The following ADGRA3 variants were observed in gnomAD, a reference collection of about 807,000 sequenced individuals.
ADGRA3 encodes G-protein coupled receptor 125.
ADGRA3 carries 56 observed loss-of-function variants against 119.8 expected under a neutral mutation model. The observed-to-expected ratio is 0.47, with a 90% CI of 0.38 to 0.58. ADGRA3 has a LOEUF of 0.58. ADGRA3 is among the 20% of genes least tolerant of loss of function. The pLI, the probability that ADGRA3 is intolerant of heterozygous loss-of-function variation, is 0.00. For synonymous variants in ADGRA3, 607 were observed against 623.8 expected (o/e 0.97, Z 0.40); for missense variants, 1,516 against 1,649.0 (o/e 0.92, Z 1.40).
In ADGRA3 at chr4:22,400,503, A is replaced by T. The variant is rs142294541; in HGVS notation, c.2481+928T>A. On this transcript the variant is annotated intron_variant, in intron 16 of 18. Transcript: ENST00000334304. ...ATCTGAAGTAGTCACAACTCATAGA[A>T]GCCAAGAAGAAAATGGTGACTGCCA... 3.2e-4 allele frequency among the ~76,000 whole-genome samples: 48 copies of T among 152,284 alleles called. No individual in the cohort carries two copies. In the East Asian group the frequency reaches 8.3e-3, roughly 26 times the overall value.
At chr4:22,420,582 A>C in intron 12 of ADGRA3, 1 of 445,106 alleles carries the variant, frequency 2.2e-6, no homozygotes, top group Non-Finnish European at 3.9e-6. Context: ...TAAACTTTTA[A>C]GTCAAATAAG....
chr4:22,460,430 C>A (rs926181310), intron 3 of ADGRA3, among the ~76,000 whole-genome samples: 3 of 152,158 alleles, frequency 2.0e-5, no homozygotes, highest in African/African-American at 7.2e-5. Context: ...CCAGAAAGGA[C>A]AAAAGTTCCT....
At chr4:22,505,333 C>T (rs1719199158) in intron 1 of ADGRA3, among the ~76,000 whole-genome samples, 1 of 152,158 alleles carries the variant, frequency 6.6e-6, no homozygotes, top group Non-Finnish European at 1.5e-5. Flanking sequence ...GCAAATTCTC[C>T]TTTAGAAACT....
At chr4:22,486,433 A>G (rs938246585) in intron 1 of ADGRA3, among the ~76,000 whole-genome samples, 16 of 152,040 alleles carry the variant, frequency 1.1e-4, no homozygotes, top group African/African-American at 3.9e-4. Flanking sequence ...AAAAAGCTTG[A>G]CCATTATTAC....
intron 2 of ADGRA3, among the ~76,000 whole-genome samples, chr4:22,470,420 G>A (rs1268446477): frequency 2.0e-5 from 3 of 151,738 alleles, no homozygotes; most frequent in Admixed American, 6.6e-5. Context: ...ACAAACAATG[G>A]GTCATGTTCA....
chr4:22,448,213 G>A (rs1716899363), intron 4 of ADGRA3, among the ~76,000 whole-genome samples: 1 of 152,168 alleles, frequency 6.6e-6, no homozygotes, highest in South Asian at 2.1e-4. Flanking sequence ...GAGCTCTAGA[G>A]CTCGGGGGAG....
chr4:22,464,368 G>A (rs17598910), intron 2 of ADGRA3, among the ~76,000 whole-genome samples: 14,169 of 152,186 alleles, frequency 0.093, 747 homozygotes, highest in Admixed American at 0.11. Context: ...GAAGCTTCAC[G>A]AAATACATTT....
At chr4:22,394,123 A>G (rs1714254145) in intron 16 of ADGRA3, 1 of 152,136 alleles carries the variant, frequency 6.6e-6, no homozygotes, top group Non-Finnish European at 1.5e-5. Flanking sequence ...TTTTTATATA[A>G]TTATGAAATT....
chr4:22,419,063 G>A (rs548441524), intron 12 of ADGRA3, among the ~76,000 whole-genome samples: 16 of 152,270 alleles, frequency 1.1e-4, no homozygotes, highest in Non-Finnish European at 1.6e-4. Context: ...GCAGGCTGAG[G>A]AGGGAGTATA....
intron 4 of ADGRA3, among the ~76,000 whole-genome samples, chr4:22,454,465 A>G (rs1034231647): frequency 6.6e-6 from 1 of 152,126 alleles, no homozygotes; most frequent in Non-Finnish European, 1.5e-5. Flanking sequence ...ACCTTCATGT[A>G]TCATTAGTTT....
At chr4:22,502,139 C>T (rs1719068237) in intron 1 of ADGRA3, among the ~76,000 whole-genome samples, 1 of 152,168 alleles carries the variant, frequency 6.6e-6, no homozygotes, top group Non-Finnish European at 1.5e-5. Flanking sequence ...ACCATGCAGC[C>T]AAGCTAGCCA....
chr4:22,483,617 G>C (rs117600571), intron 1 of ADGRA3, among the ~76,000 whole-genome samples: 1 of 152,096 alleles, frequency 6.6e-6, no homozygotes, highest in Non-Finnish European at 1.5e-5. Flanking sequence ...GATAGCAAAA[G>C]AATCTTCCAG....
At chr4:22,506,204 C>T (rs1327192235) in intron 1 of ADGRA3, among the ~76,000 whole-genome samples, 1 of 152,088 alleles carries the variant, frequency 6.6e-6, no homozygotes, top group Non-Finnish European at 1.5e-5. Context: ...TCCATTTTTA[C>T]CCTTCAGGCC....
intron 16 of ADGRA3, among the ~76,000 whole-genome samples, chr4:22,397,437 C>G (rs1419406535): frequency 2.0e-5 from 3 of 152,082 alleles, no homozygotes; most frequent in Non-Finnish European, 4.4e-5. Flanking sequence ...GCCTCAGCCT[C>G]CCAAAGTTCA....
intron 14 of ADGRA3, among the ~76,000 whole-genome samples, chr4:22,408,767 T>C (rs1041882013): frequency 2.0e-5 from 3 of 152,158 alleles, no homozygotes; most frequent in Non-Finnish European, 4.4e-5. Context: ...AAGCCTACAA[T>C]CTAGCAATTT....
rs144907660 is a variant in ADGRA3, at chr4:22,387,745, T to G, written c.3926A>C (p.Asn1309Thr). 1 of 1,613,374 alleles carries G rather than the reference T, an allele frequency of 6.2e-7. No homozygotes were observed. The highest frequency in any genetic ancestry group is 1.3e-5 in the African/African-American group (1 of 74,906). The change falls in exon 19 of 19, where the codon AAT becomes ACT. Residue 1309 changes from asparagine to threonine, a missense_variant. Physicochemically the swap from Asn to Thr is moderately conservative, Grantham distance 65 (BLOSUM62 0). This residue lies in a region of ADGRA3 where 1,088 missense variants were observed against 1,107.1 expected (regional missense o/e 0.98). Coordinates refer to ENST00000334304, the MANE Select transcript of ADGRA3 (RefSeq NM_145290.4). ...GTGTTTCCATAATCCAGTCCTAACA[T>G]TGCCAGTGCTATCGGTACCGAGCAA... ...GPLLGTDSTGNVRTGLWKHET... is the reference protein window; with the variant it reads ...GPLLGTDSTGTVRTGLWKHET...
intron 1 of ADGRA3, among the ~76,000 whole-genome samples, chr4:22,500,805 G>A (rs1245718107): frequency 1.3e-5 from 2 of 152,120 alleles, no homozygotes; most frequent in East Asian, 1.9e-4. Context: ...TAAAGTAGAT[G>A]ATCCTCCCTA....
intron 14 of ADGRA3, among the ~76,000 whole-genome samples, chr4:22,410,264 C>A (rs1026077206): frequency 6.6e-6 from 1 of 152,094 alleles, no homozygotes; most frequent in Non-Finnish European, 1.5e-5. Context: ...TAGTTTGAAC[C>A]TAATCATAAC....
At chr4:22,416,224 T>C (rs748251249) in intron 12 of ADGRA3, among the ~76,000 whole-genome samples, 4 of 152,174 alleles carry the variant, frequency 2.6e-5, no homozygotes, top group African/African-American at 7.2e-5. Context: ...AGCACAAAGT[T>C]TGTAAGTTCA....
Sources: gnomAD v4.1 joint callset for allele counts (sites outside exome capture counted in the v4.1 genomes callset) on GRCh38, gnomAD v4.1.1 for gene constraint, gnomAD v4.1.1 regional missense constraint, MANE v1.5 for transcripts, NCBI Gene and HGNC (gene_info 2026-07-23, HGNC 2026-07-21) for gene names.